MPPED2: variants seen among roughly 807,000 people sequenced by gnomAD.
MPPED2 encodes the protein metallophosphoesterase domain containing 2, also known as metallophosphoesterase MPPED2.
Under a neutral mutation model 33.0 loss-of-function variants are expected in MPPED2, and 5 were observed. That is an observed-to-expected ratio of 0.15 (90% CI 0.08 to 0.32). The LOEUF (loss-of-function observed/expected upper bound fraction) is 0.32. Ranked by LOEUF, MPPED2 falls within the 10% of genes least tolerant of loss-of-function variation. The probability of loss-of-function intolerance (pLI) is 1.00; values close to 1 mark genes in which losing one functional copy is unlikely to be tolerated. For synonymous variants in MPPED2, 136 were observed against 141.9 expected (o/e 0.96, Z 0.29); for missense variants, 275 against 372.1 (o/e 0.74, Z 2.15).
chr11:30,557,884 T>C (rs1956057771), intron 2 of MPPED2, among the ~76,000 whole-genome samples: 1 of 152,168 alleles, frequency 6.6e-6, no homozygotes, highest in African/African-American at 2.4e-5. Flanking sequence ...AGGGAGAAAG[T>C]CAAATGTGAG....
downstream of MPPED2, among the ~76,000 whole-genome samples, chr11:30,408,234 C>T (rs542969360): frequency 2.0e-3 from 304 of 152,326 alleles, no homozygotes; most frequent in African/African-American, 6.9e-3. Flanking sequence ...GTGCCATGTA[C>T]GGCTGTCAAA....
intron 4 of MPPED2, among the ~76,000 whole-genome samples, chr11:30,445,069 T>C (rs1949744165): frequency 6.6e-6 from 1 of 152,214 alleles, no homozygotes; most frequent in African/African-American, 2.4e-5. Flanking sequence ...CATCTTCTCT[T>C]TCACTCCTTT....
At chr11:30,544,265 G>A (rs973765965) in intron 2 of MPPED2, among the ~76,000 whole-genome samples, 1 of 152,090 alleles carries the variant, frequency 6.6e-6, no homozygotes, top group African/African-American at 2.4e-5. Context: ...AGGGTTAAAC[G>A]TTTCCCTCCC....
At chr11:30,571,720 T>G (rs1374217003) in intron 2 of MPPED2, among the ~76,000 whole-genome samples, 1 of 152,198 alleles carries the variant, frequency 6.6e-6, no homozygotes, top group Non-Finnish European at 1.5e-5. Flanking sequence ...CTCAGTAAGC[T>G]TCTCCTTTTT....
chr11:30,411,089 C>A lies in MPPED2; in HGVS notation c.*379G>T, dbSNP rs939431131. 4 of 988,774 alleles carry A rather than the reference C, an allele frequency of 4.0e-6. No individual in the cohort carries two copies. The South Asian group carries it at 1.9e-4, about 46-fold the overall frequency. The allele number at this position is 988,774 out of a possible 1,614,324, so 61.3% of individuals were successfully genotyped here. On this transcript the variant is annotated 3_prime_UTR_variant, in exon 7 of 7. Coordinates refer to ENST00000358117, the MANE Select transcript of MPPED2 (RefSeq NM_001584.3). Reference sequence around the variant, plus strand: ...CAAACAATACTCTTAAACAGTTGTGCAAATCTGTGTTGGTTTTTAAAACAC... The same window carrying A: ...CAAACAATACTCTTAAACAGTTGTGAAAATCTGTGTTGGTTTTTAAAACAC...
At chr11:30,455,177 A>G (rs549142979) in intron 4 of MPPED2, among the ~76,000 whole-genome samples, 1 of 152,318 alleles carries the variant, frequency 6.6e-6, no homozygotes, top group Admixed American at 6.5e-5. Flanking sequence ...TTGAAACGTC[A>G]CTACATATTG....
chr11:30,416,688 A>G (rs1310916870), intron 5 of MPPED2, among the ~76,000 whole-genome samples: 1 of 152,182 alleles, frequency 6.6e-6, no homozygotes, highest in Non-Finnish European at 1.5e-5. Flanking sequence ...GAAAGAAAAA[A>G]TCGAACAGTC....
chr11:30,573,620 A>G (rs1956799529), intron 2 of MPPED2, among the ~76,000 whole-genome samples: 1 of 152,104 alleles, frequency 6.6e-6, no homozygotes, highest in Non-Finnish European at 1.5e-5. Flanking sequence ...TCCTGACCCT[A>G]TGTAGGCCTA....
chr11:30,493,566 A>C (rs888016182), intron 4 of MPPED2, among the ~76,000 whole-genome samples: 1 of 141,202 alleles, frequency 7.1e-6, no homozygotes, highest in Non-Finnish European at 1.5e-5. Context: ...ATACACACAC[A>C]CAGGTTAGTT....
intron 2 of MPPED2, among the ~76,000 whole-genome samples, chr11:30,564,647 G>C (rs1696394130): frequency 6.6e-6 from 1 of 152,144 alleles, no homozygotes; most frequent in Non-Finnish European, 1.5e-5. Context: ...TGTCTCCTCA[G>C]GCAATGAAGC....
At chr11:30,582,409 T>A (rs1590945077) in intron 1 of MPPED2, among the ~76,000 whole-genome samples, 1 of 152,306 alleles carries the variant, frequency 6.6e-6, no homozygotes, top group African/African-American at 2.4e-5. Flanking sequence ...TACTTGACAA[T>A]TCTTATGTTC....
intron 6 of MPPED2, among the ~76,000 whole-genome samples, chr11:30,389,397 C>T (rs1296593560): frequency 6.6e-6 from 1 of 152,152 alleles, no homozygotes; most frequent in Non-Finnish European, 1.5e-5. Flanking sequence ...AAATGATGCC[C>T]TGGGGATTGT....
Position 30,487,401 on chromosome 11 carries a change from T to G in MPPED2, c.536+7895A>C, listed in dbSNP as rs535234917. Among the ~76,000 whole-genome samples, 8 of 152,300 alleles carry G rather than the reference T, an allele frequency of 5.3e-5. No individual in the cohort carries two copies. The East Asian group carries it at 1.4e-3, about 26-fold the overall frequency. On this transcript the variant is annotated intron_variant, in intron 4 of 6. Transcript: ENST00000358117. The stretch of plus-strand genomic sequence containing the variant: ...AAGCCACATGCAACCTATACTTGCC[T>G]CCTGATATGTGTTGTGGAGGAAGTT...
At chr11:30,565,858 C>T (rs1157999618) in intron 2 of MPPED2, among the ~76,000 whole-genome samples, 2 of 152,140 alleles carry the variant, frequency 1.3e-5, no homozygotes, top group African/African-American at 4.8e-5. Context: ...TGCATACTTA[C>T]TTTGAATTTC....
chr11:30,478,311 T>A (rs531908076), intron 4 of MPPED2, among the ~76,000 whole-genome samples: 1 of 152,062 alleles, frequency 6.6e-6, no homozygotes, highest in South Asian at 2.1e-4. Context: ...TCGAAACCAA[T>A]AACTATATAT....
intron 3 of MPPED2, among the ~76,000 whole-genome samples, chr11:30,519,149 G>T (rs1482986099): frequency 6.6e-6 from 1 of 152,038 alleles, no homozygotes; most frequent in East Asian, 1.9e-4. Flanking sequence ...AGGCATGGTG[G>T]TGTAAAATTA....
intron 6 of MPPED2, among the ~76,000 whole-genome samples, chr11:30,395,899 T>G (rs1179951764): frequency 6.6e-6 from 1 of 152,178 alleles, no homozygotes; most frequent in Non-Finnish European, 1.5e-5. Context: ...ACTGGACTCT[T>G]TGGCTTAAAC....
chr11:30,505,893 T>G (rs1343849239), intron 3 of MPPED2, among the ~76,000 whole-genome samples: 1 of 152,134 alleles, frequency 6.6e-6, no homozygotes, highest in Non-Finnish European at 1.5e-5. Flanking sequence ...ACACATAATT[T>G]TAGCTTCACA....
chr11:30,472,230 G>T (rs1311012521), intron 4 of MPPED2, among the ~76,000 whole-genome samples: 1 of 152,122 alleles, frequency 6.6e-6, no homozygotes, highest in Non-Finnish European at 1.5e-5. Context: ...AGGTTGTGGT[G>T]CATGCTTGTG....
Sources: allele counts gnomAD v4.1 joint callset (sites outside exome capture counted in the v4.1 genomes callset), GRCh38; gene constraint gnomAD v4.1.1; transcripts MANE v1.5; gene names NCBI Gene and HGNC (gene_info 2026-07-23, HGNC 2026-07-21).